TMEM150B: variants seen among roughly 807,000 people sequenced by gnomAD.
TMEM150B encodes transmembrane protein 150B, also known as modulator of macroautophagy TMEM150B.
In TMEM150B, 33 loss-of-function variants were observed where a neutral mutation model predicts 25.2. The ratio of observed to expected loss-of-function variants is 1.31; its 90% CI spans 0.99 to 1.75. TMEM150B has a LOEUF of 1.75. TMEM150B is among the 40% of genes most tolerant of loss of function. The pLI is 0.00. For synonymous variants in TMEM150B, 133 were observed against 134.8 expected, an observed-to-expected ratio of 0.99 and a Z score of 0.09; for missense variants, 322 against 306.1, an observed-to-expected ratio of 1.05 and a Z score of -0.39.
intron 6 of TMEM150B, 42 bp downstream of exon 6, chr19:55,319,997 G>C: frequency 6.2e-7 from 1 of 1,612,980 alleles, no homozygotes; most frequent in Non-Finnish European, 8.5e-7. Flanking sequence ...TGTAGTTCCA[G>C]ACGCCGGCCG....
intron 7 of TMEM150B, 41 bp from the exon 8 acceptor site, chr19:55,313,096 G>T (rs936171482): frequency 1.3e-6 from 2 of 1,552,824 alleles, no homozygotes; most frequent in African/African-American, 1.4e-5. Context: ...CGTGACAGAC[G>T]CGGAGCCCGG....
intron 6 of TMEM150B, 96 bp downstream of exon 6, chr19:55,319,943 G>GC: frequency 1.3e-6 from 2 of 1,562,452 alleles, no homozygotes; most frequent in Non-Finnish European, 1.7e-6. Context: ...GCGGGAACCA[G>GC]CCCCCGAGAC....
At chr19:55,313,499 C>CGT (rs1568995934) in intron 7 of TMEM150B, among the ~76,000 whole-genome samples, 1 of 152,196 alleles carries the variant, frequency 6.6e-6, no homozygotes, top group Non-Finnish European at 1.5e-5. Context: ...CCATGGCCTA[C>CGT]AGGCCCTTCC....
chr19:55,315,043 C>T (rs1363060104), intron 7 of TMEM150B, among the ~76,000 whole-genome samples: 1 of 152,126 alleles, frequency 6.6e-6, no homozygotes, highest in Non-Finnish European at 1.5e-5. Context: ...AGGCTGGGCA[C>T]AGTGGCCCAC....
At chr19:55,313,655 C>T (rs1568996135) in intron 7 of TMEM150B, among the ~76,000 whole-genome samples, 1 of 152,150 alleles carries the variant, frequency 6.6e-6, no homozygotes, top group Non-Finnish European at 1.5e-5. Context: ...GCTGGTCACC[C>T]CAAGTCTTGT....
chr19:55,316,890 T>C lies in TMEM150B; in HGVS notation c.401A>G (p.Gln134Arg). Residue 134 changes from glutamine to arginine, a missense_variant, in exon 7 of 8, where the codon CAG becomes CGG. By Grantham distance (43) the Gln-to-Arg change is conservative (BLOSUM62 1). Transcript: ENST00000326652. ...CCTCTTCAGCCTCCACAGGAGGAGC[T>C]GCAGCCAGAAGTAGACGTTACCCAA... ...FILGNVYFWL[Q>R]LLLWRLKRLP... The C allele has an allele frequency of 6.2e-7, 1 of 1,606,304 alleles. No individual in the cohort carries two copies. Among genetic ancestry groups the C allele is most frequent in the Non-Finnish European group, 8.5e-7 (1 of 1,177,238 alleles).
chr19:55,310,681 G>GC (rs889233612), downstream of TMEM150B, among the ~76,000 whole-genome samples: 1 of 152,136 alleles, frequency 6.6e-6, no homozygotes, highest in Non-Finnish European at 1.5e-5. This position sits in a 1 kb window ranked among gnomAD's most constrained non-coding sequence, Gnocchi z 5.0. Flanking sequence ...TCACAGAACA[G>GC]CCCCCCACGA....
intron 6 of TMEM150B, among the ~76,000 whole-genome samples, chr19:55,318,530 G>A (rs182149504): frequency 2.0e-4 from 31 of 152,074 alleles, no homozygotes; most frequent in Admixed American, 3.9e-4. Context: ...CAGCTATTTG[G>A]TAGGTTGAGG....
At chr19:55,309,454 CAG>C (rs2088731932), downstream of TMEM150B, among the ~76,000 whole-genome samples, 1 of 152,210 alleles carries the variant, frequency 6.6e-6, no homozygotes, top group East Asian at 1.9e-4. Context: ...TTACAAATAA[CAG>C]AAATTTATTG....
At chr19:55,324,668 T>TA in intron 1 of TMEM150B, 8 of 930,176 alleles carry the variant, frequency 8.6e-6, no homozygotes, top group Non-Finnish European at 1.0e-5. Flanking sequence ...TAAAATAAAA[T>TA]AAATAAATAA....
chr19:55,324,877 A>G, intron 1 of TMEM150B: 1 of 985,318 alleles, frequency 1.0e-6, no homozygotes, highest in African/African-American at 1.7e-5. Context: ...TGTGGGCAAC[A>G]CAGATGATCA....
chr19:55,320,359 A>G, intron 5 of TMEM150B, 32 bp downstream of exon 5: 1 of 1,514,980 alleles, frequency 6.6e-7, no homozygotes, highest in Non-Finnish European at 8.8e-7. Context: ...TGGGCTTGGG[A>G]GCACTGAACC....
intron 7 of TMEM150B, among the ~76,000 whole-genome samples, chr19:55,314,565 G>T (rs115568173): frequency 6.6e-6 from 1 of 152,048 alleles, no homozygotes; most frequent in Non-Finnish European, 1.5e-5. Context: ...CATCCCTTAC[G>T]ACACTCAGCT....
chr19:55,312,081 GGGGA>G (rs1568992517), downstream of TMEM150B: 2 of 1,392,216 alleles, frequency 1.4e-6, no homozygotes, highest in Non-Finnish European at 9.4e-7. Context: ...CCACGGGGCC[GGGGA>G]GGGAGGGGAC....
intron 1 of TMEM150B, among the ~76,000 whole-genome samples, chr19:55,324,392 G>C (rs1433573228): frequency 1.3e-5 from 2 of 151,762 alleles, no homozygotes; most frequent in Non-Finnish European, 2.9e-5. Context: ...GCTCACGCCT[G>C]CAATCCCAGC....
chr19:55,317,093 T>A (rs2089030640), intron 6 of TMEM150B, 127 bp from the exon 7 acceptor site: 7 of 772,680 alleles, frequency 9.1e-6, no homozygotes, highest in Non-Finnish European at 1.4e-5. Flanking sequence ...AGTGATGGGC[T>A]TATTAAGCAC....
Position 55,320,966 on chromosome 19 carries a change from C to T in TMEM150B, c.68+3G>A. 6.2e-7 allele frequency: 1 copy of T among 1,613,704 alleles called. No homozygotes were observed. Among genetic ancestry groups the T allele is most frequent in the Non-Finnish European group, 8.5e-7 (1 of 1,179,760 alleles). ...AGGAGTCCATCATGCCTCTGACACTCACACGATCCAGACGCCAGAGATAGC... is the reference window on the plus strand; with the variant it reads ...AGGAGTCCATCATGCCTCTGACACTTACACGATCCAGACGCCAGAGATAGC... On this transcript the variant is annotated splice_donor_region_variant and intron_variant, in intron 3 of 7. Coordinates refer to ENST00000326652, the MANE Select transcript of TMEM150B (RefSeq NM_001282011.2).
At position 55,318,725 on chromosome 19, in the gene TMEM150B, T is replaced by C. The variant is rs893733070; in HGVS notation, c.324+1314A>G. ...TCTTCATGGAGATGGAATGAAGTCA[T>C]GTACAAAATGGAAAGCCTGCTGCCA... On this transcript the variant is annotated intron_variant, in intron 6 of 7. Coordinates refer to ENST00000326652, the MANE Select transcript of TMEM150B (RefSeq NM_001282011.2). Among the ~76,000 whole-genome samples, 4 of 152,204 alleles carry C rather than the reference T, an allele frequency of 2.6e-5. No individual in the cohort carries two copies. The East Asian group carries it at 7.7e-4, about 29-fold the overall frequency.
In TMEM150B at chr19:55,316,860, G is replaced by A; in HGVS notation, c.431C>T (p.Pro144Leu). The change falls in exon 7 of 8, where the codon CCC becomes CTC. Residue 144 changes from proline to leucine, a missense_variant. Pro to Leu is a moderately conservative substitution (Grantham distance 98, BLOSUM62 -3). Transcript: ENST00000326652. ...CCCAATCCAGGCAGCCCCGGGCTGG[G>A]GCAGCCTCTTCAGCCTCCACAGGAG... Reference protein sequence around the residue: ...QLLLWRLKRLPQPGAAWIGPL... With the variant: ...QLLLWRLKRLLQPGAAWIGPL... The A allele has an allele frequency of 6.3e-7, 1 of 1,596,922 alleles. No homozygotes were observed. Among genetic ancestry groups the A allele is most frequent in the African/African-American group, 1.4e-5 (1 of 74,038 alleles).
Sources: gnomAD v4.1 joint callset for allele counts (sites outside exome capture counted in the v4.1 genomes callset) on GRCh38, gnomAD v4.1.1 for gene constraint, Gnocchi (gnomAD v3.1) non-coding constraint, MANE v1.5 for transcripts, NCBI Gene and HGNC (gene_info 2026-07-23, HGNC 2026-07-21) for gene names.